Variants in CELF4 observed in about 807,000 individuals in gnomAD.
CELF4 encodes the protein CUGBP Elav-like family member 4, also known as CUG-BP- and ETR-3-like factor 4.
Under a neutral mutation model 59.9 loss-of-function variants are expected in CELF4, and 18 were observed. The observed-to-expected ratio is 0.30, with a 90% CI of 0.21 to 0.45. CELF4 has a LOEUF of 0.45. Among genes scored for constraint, CELF4 ranks in the 20% least tolerant of loss-of-function variants. CELF4 has a pLI of 1.00. For synonymous variants in CELF4, 261 were observed against 267.1 expected (o/e 0.98, Z 0.22); for missense variants, 456 against 689.0 (o/e 0.66, Z 3.79).
chr18:37,316,251 G>T (rs1436438417), intron 3 of CELF4, among the ~76,000 whole-genome samples: 1 of 152,072 alleles, frequency 6.6e-6, no homozygotes, highest in East Asian at 1.9e-4. Context: ...GCAGGGAGGG[G>T]CCTGCTCTCC....
chr18:37,255,739 T>G (rs2068880789), intron 11 of CELF4, among the ~76,000 whole-genome samples: 1 of 152,190 alleles, frequency 6.6e-6, no homozygotes, highest in South Asian at 2.1e-4. Flanking sequence ...GACAAAAGCC[T>G]GTCCCTGCCA....
intron 2 of CELF4, among the ~76,000 whole-genome samples, chr18:37,426,766 G>C (rs185682050): frequency 6.6e-6 from 1 of 152,122 alleles, no homozygotes; most frequent in African/African-American, 2.4e-5. Flanking sequence ...GCCATGTTGC[G>C]TCGCCGCTGC....
chr18:37,547,888 T>C (rs2099981965), intron 1 of CELF4, among the ~76,000 whole-genome samples: 1 of 152,160 alleles, frequency 6.6e-6, no homozygotes, highest in Non-Finnish European at 1.5e-5. Context: ...TGTGTATCTC[T>C]ATGTGCACTT....
intron 3 of CELF4, among the ~76,000 whole-genome samples, chr18:37,316,690 T>C (rs2096879447): frequency 6.6e-6 from 1 of 152,088 alleles, no homozygotes; most frequent in Admixed American, 6.5e-5. Context: ...TCCTGCTTGC[T>C]CCAGGCCACA....
At chr18:37,270,702 A>G in intron 8 of CELF4, 66 bp downstream of exon 8, 1 of 1,583,310 alleles carries the variant, frequency 6.3e-7, no homozygotes, top group South Asian at 1.1e-5. Flanking sequence ...TATAACAGCA[A>G]GGGCAGGGAC....
chr18:37,345,665 G>C (rs1259350768), intron 2 of CELF4, among the ~76,000 whole-genome samples: 3 of 152,122 alleles, frequency 2.0e-5, no homozygotes, highest in African/African-American at 7.2e-5. Flanking sequence ...GGAGGCTCTG[G>C]GGGAGGAAGC....
chr18:37,431,700 A>T (rs865863049), intron 2 of CELF4, among the ~76,000 whole-genome samples: 67 of 152,292 alleles, frequency 4.4e-4, no homozygotes, highest in African/African-American at 1.5e-3. Context: ...GTGAAAACTC[A>T]ATAAGCCACA....
chr18:37,394,422 T>G (rs1000958072), intron 2 of CELF4, among the ~76,000 whole-genome samples: 57 of 152,264 alleles, frequency 3.7e-4, no homozygotes, highest in Middle Eastern at 3.4e-3. Context: ...CTGCCCTTGG[T>G]CCAGCAGCCG....
intron 2 of CELF4, among the ~76,000 whole-genome samples, chr18:37,412,692 G>GTGAA (rs1395449195): frequency 1.3e-5 from 2 of 152,148 alleles, no homozygotes; most frequent in Non-Finnish European, 2.9e-5. Context: ...GTATGGACGG[G>GTGAA]TGAATGAATG....
chr18:37,313,605 C>T (rs368752571), intron 3 of CELF4, among the ~76,000 whole-genome samples: 1 of 152,160 alleles, frequency 6.6e-6, no homozygotes, highest in East Asian at 1.9e-4. Flanking sequence ...GAGCCTGTCC[C>T]ACCGCAGCCA....
intron 2 of CELF4, among the ~76,000 whole-genome samples, chr18:37,426,359 C>A (rs2099612530): frequency 6.6e-6 from 1 of 152,176 alleles, no homozygotes. Context: ...TTGCCAGACC[C>A]CAGCTTTGGT....
At chr18:37,299,435 C>T (rs2095861850) in intron 3 of CELF4, among the ~76,000 whole-genome samples, 1 of 152,076 alleles carries the variant, frequency 6.6e-6, no homozygotes, top group Non-Finnish European at 1.5e-5. Context: ...TCCCAGGGGC[C>T]TGGTATGGGG....
At chr18:37,333,623 C>T (rs1410693944) in intron 2 of CELF4, among the ~76,000 whole-genome samples, 1 of 151,990 alleles carries the variant, frequency 6.6e-6, no homozygotes, top group Non-Finnish European at 1.5e-5. Flanking sequence ...GTTCTCATGG[C>T]TCCATTCTGC....
At chr18:37,484,589 A>G (rs1240295025) in intron 2 of CELF4, among the ~76,000 whole-genome samples, 2 of 152,222 alleles carry the variant, frequency 1.3e-5, no homozygotes, top group African/African-American at 4.8e-5. Flanking sequence ...CTAAACGAGT[A>G]AAGAAAGATC....
intron 2 of CELF4, among the ~76,000 whole-genome samples, chr18:37,345,597 G>A (rs1025022991): frequency 6.6e-6 from 1 of 152,180 alleles, no homozygotes; most frequent in African/African-American, 2.4e-5. Flanking sequence ...TTTCCTATGG[G>A]TGGAGTGGCA....
chr18:37,482,430 T>A (rs2154603057), intron 2 of CELF4, among the ~76,000 whole-genome samples: 1 of 152,294 alleles, frequency 6.6e-6, no homozygotes, highest in Non-Finnish European at 1.5e-5. Context: ...AAGACCCAGA[T>A]GAAGCTTCAT....
At position 37,393,856 on chromosome 18, in the gene CELF4, C is replaced by CTT. The variant is rs397959278; in HGVS notation, c.370-71977_370-71976dup. Among the ~76,000 whole-genome samples the CTT allele has an allele frequency of 4.5e-3, 584 of 131,106 alleles. 4 individuals are homozygous for CTT. The highest frequency in any genetic ancestry group is 9.5e-3 in the African/African-American group (340 of 35,666). The allele number at this position is 131,106 out of a possible 152,430, so 86.0% of individuals were successfully genotyped here. On this transcript the variant is annotated intron_variant, in intron 2 of 12. Coordinates refer to ENST00000420428, the MANE Select transcript of CELF4 (RefSeq NM_020180.4). ...AATTAAGTGATATTCCTTTACGCGG[C>CTT]TTTTTTTTTTTTTTTTAATTTTAAG...
At chr18:37,500,194 C>T (rs933168183) in intron 1 of CELF4, among the ~76,000 whole-genome samples, 2 of 152,194 alleles carry the variant, frequency 1.3e-5, no homozygotes, top group African/African-American at 4.8e-5. Context: ...CTAGTGCAGC[C>T]AGTGCCCCTG....
At chr18:37,329,934 T>C (rs1355331680) in intron 2 of CELF4, among the ~76,000 whole-genome samples, 1 of 152,224 alleles carries the variant, frequency 6.6e-6, no homozygotes, top group Non-Finnish European at 1.5e-5. Flanking sequence ...ATCAGGCGTT[T>C]TGTGGATCAT....
Sources: allele counts gnomAD v4.1 joint callset (sites outside exome capture counted in the v4.1 genomes callset), GRCh38; gene constraint gnomAD v4.1.1; transcripts MANE v1.5; gene names NCBI Gene and HGNC (gene_info 2026-07-23, HGNC 2026-07-21).